RBFOX1: variants seen among roughly 807,000 people sequenced by gnomAD.
The protein encoded by RBFOX1 is RNA binding protein fox-1 homolog 1.
A neutral mutation model predicts 57.7 loss-of-function variants in RBFOX1; 8 were observed. The ratio of observed to expected loss-of-function variants is 0.14; its 90% CI spans 0.08 to 0.25. The LOEUF (loss-of-function observed/expected upper bound fraction) is 0.25. RBFOX1 is among the 10% of genes least tolerant of loss of function. The pLI is 1.00. For synonymous variants in RBFOX1, 326 were observed against 222.4 expected (o/e 1.47, Z -4.15); for missense variants, 611 against 548.5 (o/e 1.11, Z -1.14).
At chr16:5,817,792 C>T (rs938413896) in intron 3 of RBFOX1, among the ~76,000 whole-genome samples, 14 of 151,082 alleles carry the variant, frequency 9.3e-5, no homozygotes, top group African/African-American at 2.9e-4. Flanking sequence ...CTCCCGGGTT[C>T]GCGCCATTCT....
At position 6,006,310 on chromosome 16, in the gene RBFOX1, G is replaced by A. The variant is rs76532590; in HGVS notation, c.351+138975G>A. ...CAAGTCACAGTGATGGTTCAGCCCC[G>A]GGTATGTGATCCCATCTGGACCAGT... On this transcript the variant is annotated intron_variant, in intron 4 of 19. Coordinates refer to the RBFOX1 transcript ENST00000641259. Among the ~76,000 whole-genome samples the A allele has an allele frequency of 7.8e-3, 1,192 of 152,064 alleles. 15 individuals carry two copies. The highest frequency in any genetic ancestry group is 0.028 in the African/African-American group (1,149 of 41,482).
Position 6,964,538 on chromosome 16 carries a change from G to A in RBFOX1, c.-15-87519G>A, listed in dbSNP as rs572230363. 3.3e-5 allele frequency among the ~76,000 whole-genome samples: 5 copies of A among 152,308 alleles called. No individual in the cohort carries two copies. The East Asian group carries it at 9.6e-4, about 29-fold the overall frequency. The stretch of plus-strand genomic sequence containing the variant: ...GGGGTTTTGTTAAGGGTGAAGCTAT[G>A]CCTGTGTGGGGCCAGTGAGGGTATA... On this transcript the variant is annotated intron_variant, in intron 3 of 15. Transcript: ENST00000550418.
intron 3 of RBFOX1, among the ~76,000 whole-genome samples, chr16:6,818,126 A>G (rs185940720): frequency 2.0e-5 from 3 of 152,270 alleles, no homozygotes; most frequent in Admixed American, 6.5e-5. Flanking sequence ...CCCTCTATGG[A>G]AGCCCTTTTC....
chr16:7,001,220 G>T (rs987652057), intron 3 of RBFOX1, among the ~76,000 whole-genome samples: 1 of 152,046 alleles, frequency 6.6e-6, no homozygotes, highest in South Asian at 2.1e-4. Flanking sequence ...CTGAAGCTCT[G>T]TTGTTGGCCA....
At chr16:6,354,569 C>T (rs2086953517) in intron 2 of RBFOX1, among the ~76,000 whole-genome samples, 1 of 152,124 alleles carries the variant, frequency 6.6e-6, no homozygotes, top group Non-Finnish European at 1.5e-5. Flanking sequence ...TCTCGCAGGC[C>T]CCTGCCCTCT....
chr16:7,209,288 T>C (rs1185088139), intron 4 of RBFOX1, among the ~76,000 whole-genome samples: 2 of 152,082 alleles, frequency 1.3e-5, no homozygotes, highest in Non-Finnish European at 2.9e-5. Flanking sequence ...TGAGCTGATA[T>C]CGTGCCATTG....
At chr16:7,192,686 T>C (rs1271293616) in intron 4 of RBFOX1, among the ~76,000 whole-genome samples, 1 of 152,176 alleles carries the variant, frequency 6.6e-6, no homozygotes, top group Non-Finnish European at 1.5e-5. Context: ...CCCATCATTG[T>C]ATTATGATTA....
At chr16:6,153,562 G>C (rs1350457496) in intron 1 of RBFOX1, among the ~76,000 whole-genome samples, 1 of 151,828 alleles carries the variant, frequency 6.6e-6, no homozygotes, top group Non-Finnish European at 1.5e-5. Context: ...TTGGGATGGA[G>C]TCTCCCTCTG....
At chr16:7,502,815 G>A (rs1305026963) in intron 4 of RBFOX1, among the ~76,000 whole-genome samples, 2 of 152,100 alleles carry the variant, frequency 1.3e-5, no homozygotes, top group African/African-American at 4.8e-5. Flanking sequence ...TCTGAGGTCA[G>A]GGTTTGAGAC....
intron 4 of RBFOX1, among the ~76,000 whole-genome samples, chr16:7,244,982 C>A (rs889900877): frequency 6.6e-6 from 1 of 152,142 alleles, no homozygotes; most frequent in Non-Finnish European, 1.5e-5. Context: ...GGAACTCATG[C>A]CTGCCTTCAC....
Position 7,029,101 on chromosome 16 carries a change from C to T in RBFOX1, c.-15-22956C>T, listed in dbSNP as rs1179633480. Reference sequence around the variant, plus strand: ...ATATATACACACACACACACACACACACACACACACACACACACACATATA... The same window carrying T: ...ATATATACACACACACACACACACATACACACACACACACACACACATATA... On this transcript the variant is annotated intron_variant, in intron 3 of 15. Coordinates refer to ENST00000550418, the MANE Select transcript of RBFOX1 (RefSeq NM_018723.4). Among the ~76,000 whole-genome samples the T allele has an allele frequency of 3.4e-4, 30 of 86,982 alleles. 2 individuals are homozygous for T. The highest frequency in any genetic ancestry group is 8.4e-4 in the East Asian group (2 of 2,386). The allele number at this position is 86,982 out of a possible 152,430, so 57.1% of individuals were successfully genotyped here. A position where few individuals can be genotyped will look rare whatever the true frequency, so the allele number is the denominator to read the frequency against.
chr16:5,657,659 TTTCTTTC>T (rs1403234964), intron 3 of RBFOX1, among the ~76,000 whole-genome samples: 1 of 6,888 alleles, frequency 1.5e-4, no homozygotes, highest in Non-Finnish European at 2.8e-4. Context: ...TTTCTTTTCT[TTTCTTTC>T]TTTCTTTTCT....
At chr16:6,118,844 ATCT>A (rs374590071) in intron 1 of RBFOX1, among the ~76,000 whole-genome samples, 1 of 142,520 alleles carries the variant, frequency 7.0e-6, no homozygotes, top group African/African-American at 2.6e-5. Flanking sequence ...CTCTTTCCCC[ATCT>A]TCTTCACTAA....
intron 14 of RBFOX1, among the ~76,000 whole-genome samples, chr16:7,694,978 C>G (rs948923731): frequency 1.3e-5 from 2 of 152,102 alleles, no homozygotes; most frequent in Non-Finnish European, 2.9e-5. Context: ...TGATTTTGCC[C>G]CGTGACTTAA....
intron 3 of RBFOX1, among the ~76,000 whole-genome samples, chr16:6,984,491 A>G (rs2089770791): frequency 6.6e-6 from 1 of 152,152 alleles, no homozygotes; most frequent in Admixed American, 6.5e-5. Context: ...AGGTTTTGTT[A>G]CTTGCAGCCT....
At chr16:6,430,596 A>C (rs1385115434) in intron 2 of RBFOX1, among the ~76,000 whole-genome samples, 1 of 152,132 alleles carries the variant, frequency 6.6e-6, no homozygotes, top group African/African-American at 2.4e-5. Context: ...TGGGAGCTGC[A>C]AGTTCTGCTG....
chr16:6,842,778 C>A (rs2093553460), intron 3 of RBFOX1, among the ~76,000 whole-genome samples: 1 of 151,758 alleles, frequency 6.6e-6, no homozygotes, highest in Non-Finnish European at 1.5e-5. Flanking sequence ...AGGTTTTAAG[C>A]CCGGCATGCA....
At chr16:6,848,543 A>T (rs1314845686) in intron 3 of RBFOX1, among the ~76,000 whole-genome samples, 1 of 152,034 alleles carries the variant, frequency 6.6e-6, no homozygotes, top group Non-Finnish European at 1.5e-5. Flanking sequence ...ATGGATATAT[A>T]GAAAAAGAAA....
intron 3 of RBFOX1, among the ~76,000 whole-genome samples, chr16:6,970,908 T>C (rs1401160042): frequency 6.6e-6 from 1 of 152,198 alleles, no homozygotes; most frequent in East Asian, 1.9e-4. Flanking sequence ...ACCTTTGTGC[T>C]GTGCTGTTCC....
Sources: allele counts gnomAD v4.1 joint callset (sites outside exome capture counted in the v4.1 genomes callset), GRCh38; gene constraint gnomAD v4.1.1; transcripts MANE v1.5; gene names NCBI Gene and HGNC (gene_info 2026-07-23, HGNC 2026-07-21).